The following PARVB variants were observed in gnomAD, a reference collection of about 807,000 sequenced individuals.
PARVB encodes parvin beta, also known as beta-parvin.
A neutral mutation model predicts 47.0 loss-of-function variants in PARVB; 46 were observed. The ratio of observed to expected loss-of-function variants is 0.98; its 90% CI spans 0.77 to 1.25. The LOEUF is 1.25. Among genes scored for constraint, PARVB ranks in the 50% most tolerant of loss-of-function variants. PARVB has a pLI of 0.00. For synonymous variants in PARVB, 196 were observed against 196.3 expected, an observed-to-expected ratio of 1.00 and a Z score of 0.01; for missense variants, 473 against 471.6, an observed-to-expected ratio of 1.00 and a Z score of -0.03.
intron 11 of PARVB, among the ~76,000 whole-genome samples, chr22:44,162,009 C>T (rs909721909): frequency 3.9e-5 from 6 of 152,228 alleles, no homozygotes; most frequent in African/African-American, 1.4e-4. Flanking sequence ...CACCCCCGCC[C>T]CTGGGTGGAC....
chr22:44,007,884 C>T (rs1228752158), intron 2 of PARVB, among the ~76,000 whole-genome samples: 1 of 152,162 alleles, frequency 6.6e-6, no homozygotes, highest in Admixed American at 6.5e-5. Context: ...ATTAATTTGA[C>T]TCCTCTAGGT....
chr22:44,041,366 C>A (rs1267700536), intron 1 of PARVB, among the ~76,000 whole-genome samples: 2 of 152,104 alleles, frequency 1.3e-5, no homozygotes, highest in Non-Finnish European at 2.9e-5. Context: ...GTGACATATG[C>A]CTGTGGTCTC....
chr22:44,010,294 A>G (rs1472697986), intron 2 of PARVB, among the ~76,000 whole-genome samples: 1 of 152,176 alleles, frequency 6.6e-6, no homozygotes, highest in Non-Finnish European at 1.5e-5. Flanking sequence ...TTTTCTGCTT[A>G]ACCCCATGTG....
At chr22:44,139,859 C>T (rs746274386) in intron 7 of PARVB, 21 of 503,678 alleles carry the variant, frequency 4.2e-5, no homozygotes, top group East Asian at 6.6e-5. Context: ...ACAACATTAC[C>T]AGGGTGGTTA....
intron 1 of PARVB, among the ~76,000 whole-genome samples, chr22:44,043,045 T>A (rs1015697125): frequency 6.6e-6 from 1 of 152,168 alleles, no homozygotes; most frequent in African/African-American, 2.4e-5. Context: ...CTATGCTCCA[T>A]CCATACGATA....
At chr22:44,101,593 T>G (rs2052449130) in intron 3 of PARVB, among the ~76,000 whole-genome samples, 2 of 151,740 alleles carry the variant, frequency 1.3e-5, no homozygotes, top group South Asian at 4.2e-4. Flanking sequence ...CTACTAAAAA[T>G]ACAAAAAATT....
chr22:44,075,411 C>A (rs2051747571), intron 1 of PARVB, among the ~76,000 whole-genome samples: 1 of 152,220 alleles, frequency 6.6e-6, no homozygotes, highest in African/African-American at 2.4e-5. Flanking sequence ...CAACATCCTC[C>A]CCCTCTAACA....
chr22:44,068,918 G>A lies in PARVB; in HGVS notation c.113-25010G>A. On this transcript the variant is annotated intron_variant, in intron 1 of 12. Transcript: ENST00000338758. This position sits in a 1 kb window ranked among gnomAD's most constrained non-coding sequence, Gnocchi z 4.1. ...GCCCTGGCCCATGAGGCTGATGGGAGTCAAGACAGAAATAGTGGTCTGTGG... is the reference window on the plus strand; with the variant it reads ...GCCCTGGCCCATGAGGCTGATGGGAATCAAGACAGAAATAGTGGTCTGTGG... The A allele has an allele frequency of 1.8e-6, 1 of 566,274 alleles. No individual in the cohort carries two copies. The highest frequency in any genetic ancestry group is 4.8e-4 in the Middle Eastern group (1 of 2,092). 35.1% of individuals were successfully genotyped at this position (566,274 alleles called of 1,614,324 possible). A position where few individuals can be genotyped will look rare whatever the true frequency, so the allele number is the denominator to read the frequency against.
At position 44,170,261 on chromosome 22, in the gene PARVB, A is replaced by G. The variant is rs1311438920; in HGVS notation, c.*1583A>G. On this transcript the variant is annotated 3_prime_UTR_variant, in exon 13 of 13. Transcript: ENST00000338758. ...AGCGACCCACCCACCTCAGCCTCCC[A>G]AAGTGCTGGGATTATAGGCATGAGC... 1 of 152,072 alleles carries G rather than the reference A, an allele frequency of 6.6e-6. No individual in the cohort carries two copies. Among genetic ancestry groups the G allele is most frequent in the Non-Finnish European group, 1.5e-5 (1 of 68,020 alleles). The allele number at this position is 152,072 out of a possible 1,614,324, so 9.4% of individuals were successfully genotyped here.
intron 1 of PARVB, among the ~76,000 whole-genome samples, chr22:44,045,134 C>T (rs1389285858): frequency 3.3e-5 from 5 of 152,054 alleles, no homozygotes; most frequent in Non-Finnish European, 5.9e-5. Flanking sequence ...CACAGGTGCC[C>T]CTGCAGGGGC....
rs569463919 is a variant in PARVB, at chr22:44,006,004, C to T, written c.211+6331C>T. The stretch of plus-strand genomic sequence containing the variant: ...AATCAAGACCCTCCACTGGTAACAG[C>T]GCTATCATAGCTCACTGCAGTCTCA... On this transcript the variant is annotated intron_variant, in intron 2 of 13. Transcript: ENST00000406477. Among the ~76,000 whole-genome samples the T allele has an allele frequency of 4.1e-4, 62 of 152,344 alleles. 1 individual carries two copies. In the South Asian group the frequency reaches 0.013, roughly 31 times the overall value.
In PARVB at chr22:44,103,294, C is replaced by G. The variant is rs1343909542; in HGVS notation, c.273+3171C>G. The G allele has an allele frequency of 1.3e-5, 2 of 152,222 alleles. No homozygotes were observed. Among genetic ancestry groups the G allele is most frequent in the East Asian group, 3.8e-4 (2 of 5,196 alleles). 9.4% of individuals were successfully genotyped at this position (152,222 alleles called of 1,614,324 possible). ...CAGGAAGGAGCTGAGGAATAAATGC[C>G]TCTCCCCGACTTCCCTGATGTGGGC... is the stretch of plus-strand genomic sequence containing the variant. On this transcript the variant is annotated intron_variant, in intron 3 of 12. Transcript: ENST00000338758. This position sits in a 1 kb window ranked among gnomAD's most constrained non-coding sequence, Gnocchi z 4.6.
At chr22:44,129,927 G>T (rs898122655) in intron 4 of PARVB, among the ~76,000 whole-genome samples, 9 of 152,188 alleles carry the variant, frequency 5.9e-5, no homozygotes, top group African/African-American at 1.9e-4. Flanking sequence ...GCCAACAAAC[G>T]CATGATCGAA....
intron 9 of PARVB, chr22:44,148,258 A>T (rs1302898057): frequency 2.7e-6 from 1 of 371,426 alleles, no homozygotes; most frequent in Admixed American, 3.7e-5. Flanking sequence ...GGCCTCATTT[A>T]CCATCTACAG....
intron 3 of PARVB, 149 bp downstream of exon 3, chr22:44,100,272 G>A (rs1272054756): frequency 4.4e-6 from 3 of 679,500 alleles, no homozygotes; most frequent in Admixed American, 4.7e-5. Flanking sequence ...CATGTTGGCA[G>A]AGGAGGACGG....
At chr22:44,070,023 G>A (rs8140893) in intron 1 of PARVB, among the ~76,000 whole-genome samples, 2,733 of 152,236 alleles carry the variant, frequency 0.018, 95 homozygotes, top group African/African-American at 0.062. Context: ...CCATCGTGAC[G>A]GTCGGCCAGG....
chr22:44,149,859 A>G (rs1472182115), intron 9 of PARVB: 1 of 150,282 alleles, frequency 6.7e-6, no homozygotes, highest in Non-Finnish European at 1.5e-5. Flanking sequence ...TGGGTAAGAA[A>G]TCATATCATG....
chr22:43,999,709 G>A (rs771691828), intron 2 of PARVB: 2 of 1,516,342 alleles, frequency 1.3e-6, no homozygotes, highest in East Asian at 4.5e-5. Flanking sequence ...GAAAGTGGAT[G>A]AGGGCTGGGT....
chr22:44,053,897 C>T (rs141856577), intron 1 of PARVB, among the ~76,000 whole-genome samples: 128 of 150,946 alleles, frequency 8.5e-4, no homozygotes, highest in Middle Eastern at 3.5e-3. Context: ...CCTCTCTGGG[C>T]GTGCCACTTT....
Sources: allele counts gnomAD v4.1 joint callset (sites outside exome capture counted in the v4.1 genomes callset), GRCh38; gene constraint gnomAD v4.1.1; non-coding constraint Gnocchi (gnomAD v3.1); transcripts MANE v1.5; gene names NCBI Gene and HGNC (gene_info 2026-07-23, HGNC 2026-07-21).